MYSM1: variants seen among roughly 807,000 people sequenced by gnomAD.
The protein encoded by MYSM1 is Myb like, SWIRM and MPN domains 1.
MYSM1 carries 51 observed loss-of-function variants against 116.0 expected under a neutral mutation model. The observed-to-expected ratio is 0.44, with a 90% confidence interval of 0.35 to 0.56. The LOEUF (loss-of-function observed/expected upper bound fraction) is 0.56, where lower values mean the gene tolerates loss of function less well. MYSM1 is among the 20% of genes least tolerant of loss of function. The pLI, the probability that MYSM1 is intolerant of heterozygous loss-of-function variation, is 0.00. For synonymous variants in MYSM1, 313 were observed against 315.2 expected (o/e 0.99, Z 0.07); for missense variants, 900 against 974.9 (o/e 0.92, Z 1.02).
chr1:58,668,430 ATTAAT>A (rs1644506619), intron 14 of MYSM1, 197 bp downstream of exon 14: 1 of 1,321,848 alleles, frequency 7.6e-7, no homozygotes, highest in East Asian at 3.2e-5. Flanking sequence ...AAAAACTCAC[ATTAAT>A]TTATTTTCTC....
At chr1:58,694,981 TA>T (rs901979179) in intron 2 of MYSM1, 147 bp downstream of exon 2, 310 of 410,056 alleles carry the variant, frequency 7.6e-4, no homozygotes, top group East Asian at 1.5e-3. Flanking sequence ...ATTTTTAAAG[TA>T]AAAAAAAATT....
intron 6 of MYSM1, among the ~76,000 whole-genome samples, chr1:58,686,115 G>A (rs551007899): frequency 7.2e-5 from 11 of 151,998 alleles, no homozygotes; most frequent in African/African-American, 2.7e-4. Flanking sequence ...TGTAGAGATG[G>A]GGTCTCACTA....
intron 2 of MYSM1, 151 bp from the exon 3 acceptor site, chr1:58,693,082 A>G: frequency 4.9e-6 from 3 of 607,546 alleles, no homozygotes; most frequent in Non-Finnish European, 8.4e-6. Flanking sequence ...CCACAGTAAC[A>G]TTGAGATAGG....
At chr1:58,698,102 A>ATATATATATATATATATATATATT in intron 1 of MYSM1, among the ~76,000 whole-genome samples, 14 of 7,754 alleles carry the variant, frequency 1.8e-3, no homozygotes, top group African/African-American at 3.6e-3. Context: ...ATATATATAT[A>ATATATATATATATATATATATATT]TTTTTTTTTT....
At chr1:58,668,423 A>G in intron 14 of MYSM1, 6 of 1,314,154 alleles carry the variant, frequency 4.6e-6, no homozygotes, top group Non-Finnish European at 5.8e-6. Flanking sequence ...AGTCTGCAAA[A>G]ACTCACATTA....
intron 8 of MYSM1, among the ~76,000 whole-genome samples, chr1:58,679,074 C>G (rs951682654): frequency 1.3e-5 from 2 of 152,144 alleles, no homozygotes; most frequent in African/African-American, 4.8e-5. Context: ...TAAAAATATT[C>G]CCCTAACCAG....
At chr1:58,679,469 A>T (rs1644704899) in intron 8 of MYSM1, among the ~76,000 whole-genome samples, 1 of 152,148 alleles carries the variant, frequency 6.6e-6, no homozygotes, top group Non-Finnish European at 1.5e-5. Flanking sequence ...TCATATGGAC[A>T]TTTTTAAGAG....
chr1:58,681,702 A>C, intron 8 of MYSM1, 83 bp downstream of exon 8: 1 of 1,344,122 alleles, frequency 7.4e-7, no homozygotes, highest in Non-Finnish European at 1.0e-6. Context: ...TACTAGCAAA[A>C]TTCTAAATTC....
intron 12 of MYSM1, among the ~76,000 whole-genome samples, chr1:58,669,612 A>G (rs549826200): frequency 6.6e-6 from 1 of 152,084 alleles, no homozygotes; most frequent in Non-Finnish European, 1.5e-5. Flanking sequence ...AGACCCCTTG[A>G]GCCTAGGAGT....
intron 10 of MYSM1, 54 bp from the exon 11 acceptor site, chr1:58,673,704 A>G: frequency 7.1e-7 from 1 of 1,406,594 alleles, no homozygotes; most frequent in Non-Finnish European, 1.0e-6. Context: ...TGGAGAAATC[A>G]TAGCACATTA....
intron 16 of MYSM1, among the ~76,000 whole-genome samples, chr1:58,666,251 ATTC>A (rs1370417520): frequency 6.6e-6 from 1 of 152,208 alleles, no homozygotes; most frequent in African/African-American, 2.4e-5. Context: ...TACATCTGTA[ATTC>A]TTATCAATAC....
At position 58,685,375 on chromosome 1, in the gene MYSM1, C is replaced by T. The variant is rs1644813402; in HGVS notation, c.400-124G>A. ...ATACATCTTTATTTTCTGAAGCACACAATAAAGTCTTCTATATAGACTATG... is the reference window on the plus strand; with the variant it reads ...ATACATCTTTATTTTCTGAAGCACATAATAAAGTCTTCTATATAGACTATG... On this transcript the variant is annotated intron_variant, in intron 6 of 19. Transcript: ENST00000472487. 3.5e-5 allele frequency: 22 copies of T among 622,032 alleles called. No individual in the cohort carries two copies. The South Asian group carries it at 5.2e-4, about 15-fold the overall frequency. 38.5% of individuals were successfully genotyped at this position (622,032 alleles called of 1,614,324 possible). A position where few individuals can be genotyped will look rare whatever the true frequency, so the allele number is the denominator to read the frequency against.
At chr1:58,688,863 G>A (rs1295091796) in intron 6 of MYSM1, among the ~76,000 whole-genome samples, 175 bp downstream of exon 6, 1 of 151,984 alleles carries the variant, frequency 6.6e-6, no homozygotes, top group Non-Finnish European at 1.5e-5. Flanking sequence ...AAGTTAAAAG[G>A]AATTCTCTTG....
At position 58,668,667 on chromosome 1, in the gene MYSM1, T is replaced by G; in HGVS notation, c.1732A>C (p.Lys578Gln). 6.2e-7 allele frequency: 1 copy of G among 1,606,168 alleles called. No individual in the cohort carries two copies. Among genetic ancestry groups the G allele is most frequent in the Non-Finnish European group, 8.5e-7 (1 of 1,175,988 alleles). Residue 578 changes from lysine (K) to glutamine (Q), a missense_variant, in exon 14 of 20, where the codon AAA becomes CAA. Coordinates refer to ENST00000472487, the MANE Select transcript of MYSM1 (RefSeq NM_001085487.3). ...SEEKQEPFQV[K>Q]VASEALLIMD... ...ATTAAAAGTGCTTCTGAAGCCACTT[T>G]CACCTGAAATGGCTCCTGAAATATA...
intron 17 of MYSM1, among the ~76,000 whole-genome samples, chr1:58,664,421 C>T (rs897658945): frequency 1.3e-5 from 2 of 152,098 alleles, no homozygotes; most frequent in Non-Finnish European, 2.9e-5. Context: ...TTATTAGGTG[C>T]TACTTGAGAA....
intron 1 of MYSM1, among the ~76,000 whole-genome samples, chr1:58,698,704 G>T (rs1001588093): frequency 6.6e-6 from 1 of 152,130 alleles, no homozygotes; most frequent in East Asian, 1.9e-4. Context: ...AACTTGTTGC[G>T]AAAAGTAAAT....
rs974997054 is a variant in MYSM1, at chr1:58,680,212, T to C, written c.1259+1573A>G. On this transcript the variant is annotated intron_variant, in intron 8 of 19. Transcript: ENST00000472487. ...TTTGTCATTAGTGTGAATTAGGCCA[T>C]GTAGAATAAAAGAGTGATTTACAGA... 4.6e-5 allele frequency among the ~76,000 whole-genome samples: 7 copies of C among 152,256 alleles called. No individual in the cohort carries two copies. The East Asian group carries it at 1.4e-3, about 29-fold the overall frequency.
At chr1:58,660,519 A>G (rs1447401953) in intron 19 of MYSM1, among the ~76,000 whole-genome samples, 2 of 152,144 alleles carry the variant, frequency 1.3e-5, no homozygotes, top group Non-Finnish European at 2.9e-5. Context: ...ACATAAAAAC[A>G]TAGGATTCTG....
At chr1:58,669,234 G>C (rs1644519556) in intron 12 of MYSM1, among the ~76,000 whole-genome samples, 196 bp from the exon 13 acceptor site, 1 of 151,538 alleles carries the variant, frequency 6.6e-6, no homozygotes, top group South Asian at 2.1e-4. Context: ...AAAAAACCCA[G>C]GAACTTTGAG....
Sources: gnomAD v4.1 joint callset for allele counts (sites outside exome capture counted in the v4.1 genomes callset) on GRCh38, gnomAD v4.1.1 for gene constraint, MANE v1.5 for transcripts, NCBI Gene and HGNC (gene_info 2026-07-23, HGNC 2026-07-21) for gene names.